Variants in SGCD observed in about 807,000 individuals in gnomAD.
SGCD encodes delta-sarcoglycan.
Under a neutral mutation model 36.6 loss-of-function variants are expected in SGCD, and 18 were observed. The observed-to-expected ratio is 0.49, with a 90% confidence interval of 0.34 to 0.73. SGCD has a LOEUF of 0.73. Ranked by LOEUF, SGCD falls within the 30% of genes least tolerant of loss-of-function variation. The probability of loss-of-function intolerance (pLI) is 0.01; values close to 1 mark genes in which losing one functional copy is unlikely to be tolerated. For missense variants in SGCD, 387 were observed against 346.7 expected, an observed-to-expected ratio of 1.12 and a Z score of -0.92; for synonymous variants, 133 against 130.6, an observed-to-expected ratio of 1.02 and a Z score of -0.12.
At chr5:155,992,908 A>T (rs1192651607) in intron 1 of SGCD, among the ~76,000 whole-genome samples, 1 of 152,214 alleles carries the variant, frequency 6.6e-6, no homozygotes, top group Admixed American at 6.5e-5. Flanking sequence ...GTTAGCAAAC[A>T]TAGTGCCTCT....
chr5:156,025,340 G>A (rs977834455), intron 1 of SGCD, among the ~76,000 whole-genome samples: 1 of 152,200 alleles, frequency 6.6e-6, no homozygotes, highest in Admixed American at 6.5e-5. Flanking sequence ...ATAAGGTCCT[G>A]ACTAATGACA....
chr5:155,986,306 T>G (rs1169480869), intron 1 of SGCD, among the ~76,000 whole-genome samples: 1 of 152,232 alleles, frequency 6.6e-6, no homozygotes. Context: ...TTTCAGTGCA[T>G]GTTAGCAAAT....
intron 4 of SGCD, among the ~76,000 whole-genome samples, chr5:156,587,415 C>T (rs1167874853): frequency 6.6e-6 from 1 of 152,202 alleles, no homozygotes; most frequent in African/African-American, 2.4e-5. Flanking sequence ...CTGTCAGCCA[C>T]ATCACATCAA....
the SGCD span, among the ~76,000 whole-genome samples, chr5:155,766,410 C>A: frequency 6.6e-6 from 1 of 152,062 alleles, no homozygotes; most frequent in African/African-American, 2.4e-5. Context: ...AGGGAAGGGG[C>A]CCTGGCTTTG....
intron 8 of SGCD, among the ~76,000 whole-genome samples, chr5:156,758,457 C>T (rs1757419782): frequency 6.6e-6 from 1 of 151,744 alleles, no homozygotes; most frequent in Non-Finnish European, 1.5e-5. Context: ...CAGTCTCTAC[C>T]TGCTTCTATA....
intron 1 of SGCD, among the ~76,000 whole-genome samples, chr5:155,906,079 C>A (rs1406326258): frequency 1.3e-5 from 2 of 152,146 alleles, no homozygotes; most frequent in African/African-American, 2.4e-5. Flanking sequence ...TTGTCACTAT[C>A]CTTCAAACTT....
the SGCD span, among the ~76,000 whole-genome samples, chr5:155,797,704 A>G: frequency 6.6e-6 from 1 of 152,192 alleles, no homozygotes; most frequent in Non-Finnish European, 1.5e-5. Flanking sequence ...AAGCTCTCAG[A>G]GCTTTTGTTT....
At chr5:156,429,282 T>TTTA (rs1554102620) in intron 3 of SGCD, among the ~76,000 whole-genome samples, 2 of 148,180 alleles carry the variant, frequency 1.3e-5, no homozygotes, top group East Asian at 4.1e-4. Context: ...TTTTTTTTTT[T>TTTA]ACTGTTCTTG....
intron 1 of SGCD, among the ~76,000 whole-genome samples, chr5:156,019,728 C>T (rs1759057937): frequency 6.6e-6 from 1 of 152,236 alleles, no homozygotes; most frequent in African/African-American, 2.4e-5. Flanking sequence ...TCCAGCATGA[C>T]ATCATTCTTT....
At chr5:156,632,147 A>G (rs1762662495) in intron 6 of SGCD, among the ~76,000 whole-genome samples, 1 of 152,140 alleles carries the variant, frequency 6.6e-6, no homozygotes, top group African/African-American at 2.4e-5. Flanking sequence ...AGAGACAGAA[A>G]CACCTTCATT....
intron 3 of SGCD, among the ~76,000 whole-genome samples, chr5:156,404,221 C>G (rs984251): frequency 1.3e-5 from 2 of 152,132 alleles, no homozygotes; most frequent in African/African-American, 4.8e-5. Flanking sequence ...ATCGGCTTAC[C>G]TGTATTATGT....
chr5:156,556,325 G>T (rs763051569), intron 4 of SGCD, among the ~76,000 whole-genome samples: 1 of 152,030 alleles, frequency 6.6e-6, no homozygotes, highest in African/African-American at 2.4e-5. Flanking sequence ...TGTCTTTTCT[G>T]AAGGGTCTTT....
At chr5:156,216,801 G>A (rs575927745) in intron 3 of SGCD, among the ~76,000 whole-genome samples, 5 of 152,238 alleles carry the variant, frequency 3.3e-5, no homozygotes, top group East Asian at 1.9e-4. Flanking sequence ...GAATGTGGCC[G>A]GGCGTGGTGG....
chr5:156,236,796 A>T (rs1050034142), intron 3 of SGCD, among the ~76,000 whole-genome samples: 2 of 151,250 alleles, frequency 1.3e-5, no homozygotes, highest in South Asian at 4.2e-4. Context: ...ACACCAAAGG[A>T]ACAAGGTTGT....
intron 3 of SGCD, among the ~76,000 whole-genome samples, chr5:156,418,631 A>C (rs576390444): frequency 6.6e-6 from 1 of 152,200 alleles, no homozygotes; most frequent in East Asian, 1.9e-4. Flanking sequence ...TGACCCTTAC[A>C]TCTTCCACAA....
intron 4 of SGCD, among the ~76,000 whole-genome samples, chr5:156,517,704 A>C (rs1581107104): frequency 6.6e-6 from 1 of 152,264 alleles, no homozygotes; most frequent in African/African-American, 2.4e-5. Context: ...ACAACTTAAA[A>C]AAATTTCCAA....
chr5:156,032,830 G>C (rs1687699055), intron 1 of SGCD, among the ~76,000 whole-genome samples: 1 of 151,448 alleles, frequency 6.6e-6, no homozygotes, highest in East Asian at 1.9e-4. Context: ...AGCACTTTGG[G>C]AAGTAAAGGC....
At chr5:156,025,836 T>C (rs1759216494) in intron 1 of SGCD, among the ~76,000 whole-genome samples, 2 of 152,250 alleles carry the variant, frequency 1.3e-5, no homozygotes, top group South Asian at 4.1e-4. Context: ...AAGTGATTCC[T>C]GGGTGACAAG....
chr5:156,146,874 G>A (rs940633126), intron 3 of SGCD, among the ~76,000 whole-genome samples: 4 of 152,144 alleles, frequency 2.6e-5, no homozygotes, highest in South Asian at 2.1e-4. Context: ...CCCCATTTAT[G>A]TGTAATATTT....
Sources: gnomAD v4.1 joint callset for allele counts (sites outside exome capture counted in the v4.1 genomes callset) on GRCh38, gnomAD v4.1.1 for gene constraint, MANE v1.5 for transcripts, NCBI Gene and HGNC (gene_info 2026-07-23, HGNC 2026-07-21) for gene names.